Variants in SLC38A6 observed in about 807,000 individuals in gnomAD.
SLC38A6 encodes the protein solute carrier family 38 member 6.
A neutral mutation model predicts 65.0 loss-of-function variants in SLC38A6; 73 were observed. The ratio of observed to expected loss-of-function variants is 1.12; its 90% confidence interval spans 0.93 to 1.37. The LOEUF is 1.37. Ranked by LOEUF, SLC38A6 falls within the 40% of genes most tolerant of loss-of-function variation. The pLI, the probability that SLC38A6 is intolerant of heterozygous loss-of-function variation, is 0.00. For missense variants in SLC38A6, 561 were observed against 531.1 expected, an observed-to-expected ratio of 1.06 and a Z score of -0.55; for synonymous variants, 183 against 178.8, an observed-to-expected ratio of 1.02 and a Z score of -0.19.
At chr14:61,067,809 G>A (rs2043079832) in intron 15 of SLC38A6, among the ~76,000 whole-genome samples, 1 of 152,046 alleles carries the variant, frequency 6.6e-6, no homozygotes, top group African/African-American at 2.4e-5. Flanking sequence ...TAGCTTCAGT[G>A]CACCACTTAA....
intron 3 of SLC38A6, among the ~76,000 whole-genome samples, chr14:61,007,444 A>G (rs2039225408): frequency 6.6e-6 from 1 of 152,184 alleles, no homozygotes; most frequent in Non-Finnish European, 1.5e-5. Context: ...AACCTGGGCA[A>G]CATAGTGAAA....
intron 5 of SLC38A6, 146 bp downstream of exon 5, chr14:61,019,726 T>C (rs2040240204): frequency 4.0e-6 from 3 of 742,748 alleles, no homozygotes; most frequent in Admixed American, 2.5e-5. Context: ...TACTCTTTTT[T>C]TTTTTGGATC....
At chr14:61,063,021 C>G (rs1235348149) in intron 15 of SLC38A6, among the ~76,000 whole-genome samples, 1 of 151,880 alleles carries the variant, frequency 6.6e-6, no homozygotes, top group Non-Finnish European at 1.5e-5. Context: ...TTTTTTTTTC[C>G]CCATTTTGTG....
rs752395837 is a variant in SLC38A6 at position 61,052,031 on chromosome 14, C to G, written c.1196-10C>G. 3.8e-6 allele frequency: 6 copies of G among 1,599,290 alleles called. No homozygotes were observed. The highest frequency in any genetic ancestry group is 5.1e-6 in the Non-Finnish European group (6 of 1,174,370). ...CAATATCCTCTCTTTTTTTTCCCTC[C>G]ACTTTAAAGGTGCCAGTACATCAAC... On this transcript the variant is annotated splice_polypyrimidine_tract_variant and intron_variant, in intron 14 of 15. Transcript: ENST00000267488.
intron 11 of SLC38A6, 101 bp downstream of exon 11, chr14:61,045,526 A>G: frequency 2.5e-6 from 2 of 815,958 alleles, no homozygotes; most frequent in Non-Finnish European, 3.9e-6. Context: ...CTTTCCTCTC[A>G]TCAGTGGATC....
chr14:61,020,812 G>T (rs556664880), intron 5 of SLC38A6, among the ~76,000 whole-genome samples: 1 of 152,198 alleles, frequency 6.6e-6, no homozygotes, highest in East Asian at 1.9e-4. Context: ...TTCTGAATAT[G>T]ATGTATATTT....
At chr14:60,992,671 A>G (rs989192972) in intron 3 of SLC38A6, among the ~76,000 whole-genome samples, 2 of 151,054 alleles carry the variant, frequency 1.3e-5, no homozygotes, top group Admixed American at 6.6e-5. Context: ...CCTCTGTTAT[A>G]TTTTTTTTCT....
At chr14:61,017,181 A>G (rs2040066114) in intron 4 of SLC38A6, among the ~76,000 whole-genome samples, 1 of 152,148 alleles carries the variant, frequency 6.6e-6, no homozygotes, top group South Asian at 2.1e-4. Flanking sequence ...AGCTAGGATT[A>G]CAGGCATGTG....
At chr14:61,049,417 A>T (rs541562186) in intron 12 of SLC38A6, among the ~76,000 whole-genome samples, 14 of 152,284 alleles carry the variant, frequency 9.2e-5, no homozygotes, top group African/African-American at 3.1e-4. Flanking sequence ...ATCAGCACAC[A>T]TTCATTGACT....
At position 61,030,439 on chromosome 14, in the gene SLC38A6, T is replaced by C. The variant is rs1353185919; in HGVS notation, c.404-6T>C. The C allele has an allele frequency of 1.9e-6, 3 of 1,593,204 alleles. No individual in the cohort carries two copies. The highest frequency in any genetic ancestry group is 1.4e-5 in the African/African-American group (1 of 73,882). ...TCTAATAGGAACACTATTTATTCTT[T>C]TGCAGCTATGTCATCTTATCTTTTA... On this transcript the variant is annotated splice_region_variant and splice_polypyrimidine_tract_variant and intron_variant, in intron 5 of 15. Coordinates refer to ENST00000267488, the MANE Select transcript of SLC38A6 (RefSeq NM_153811.3).
rs766211959 is a variant in SLC38A6, at chr14:61,043,214, T to G, written c.690+2T>G. Reference sequence around the variant, plus strand: ...AATTATGTAGAGAAAGGTTTCCAGGTAATAGCTTATATTTTCTTTTCAGTT... The same window carrying G: ...AATTATGTAGAGAAAGGTTTCCAGGGAATAGCTTATATTTTCTTTTCAGTT... On this transcript the variant is annotated splice_donor_variant, in intron 9 of 15. Transcript: ENST00000267488. LOFTEE classifies it high-confidence loss of function. 3.4e-6 allele frequency: 5 copies of G among 1,456,694 alleles called. No homozygotes were observed. The highest frequency in any genetic ancestry group is 1.8e-4 in the Middle Eastern group (1 of 5,652). 90.2% of individuals were successfully genotyped at this position (1,456,694 alleles called of 1,614,324 possible).
chr14:61,024,342 A>T (rs1254155942), intron 5 of SLC38A6, among the ~76,000 whole-genome samples: 1 of 152,222 alleles, frequency 6.6e-6, no homozygotes, highest in Non-Finnish European at 1.5e-5. Context: ...GCAATTCCTG[A>T]TATCTTCCCA....
chr14:60,988,427 T>C (rs1404592392), intron 3 of SLC38A6, among the ~76,000 whole-genome samples: 2 of 152,228 alleles, frequency 1.3e-5, no homozygotes, highest in Non-Finnish European at 2.9e-5. Context: ...ATTACCCCTG[T>C]TATAATTCTG....
At chr14:60,995,757 A>G (rs1022694630) in intron 3 of SLC38A6, among the ~76,000 whole-genome samples, 1 of 152,206 alleles carries the variant, frequency 6.6e-6, no homozygotes, top group African/African-American at 2.4e-5. Context: ...TTAAATGTAT[A>G]TAATAAAACA....
intron 16 of SLC38A6, among the ~76,000 whole-genome samples, chr14:61,080,904 C>T (rs909252409): frequency 6.6e-6 from 1 of 152,184 alleles, no homozygotes; most frequent in Non-Finnish European, 1.5e-5. Flanking sequence ...GTCACACACG[C>T]ATTGTCAGCG....
intron 3 of SLC38A6, among the ~76,000 whole-genome samples, chr14:61,009,189 CA>C (rs1221860574): frequency 2.6e-5 from 4 of 152,218 alleles, no homozygotes; most frequent in Non-Finnish European, 5.9e-5. Context: ...AGCATTTAAG[CA>C]ATTTAAAATC....
intron 3 of SLC38A6, chr14:61,002,193 G>C (rs1274781492): frequency 1.3e-5 from 2 of 152,142 alleles, no homozygotes; most frequent in East Asian, 1.9e-4. Context: ...CTAGCATTCT[G>C]TTTTCTGTGT....
At chr14:61,072,765 T>C (rs1399190753) in intron 15 of SLC38A6, among the ~76,000 whole-genome samples, 1 of 152,234 alleles carries the variant, frequency 6.6e-6, no homozygotes, top group Non-Finnish European at 1.5e-5. Context: ...ACATTTTCTT[T>C]ATTCATTCAT....
intron 15 of SLC38A6, among the ~76,000 whole-genome samples, chr14:61,065,657 C>G (rs1000982865): frequency 6.6e-6 from 1 of 152,134 alleles, no homozygotes; most frequent in African/African-American, 2.4e-5. Context: ...TGTATTCCAC[C>G]CATTGGTGGA....
Sources: gnomAD v4.1 joint callset for allele counts (sites outside exome capture counted in the v4.1 genomes callset) on GRCh38, gnomAD v4.1.1 for gene constraint, MANE v1.5 for transcripts, NCBI Gene and HGNC (gene_info 2026-07-23, HGNC 2026-07-21) for gene names.